Variants in COL6A6 observed in about 807,000 individuals in gnomAD.
COL6A6 encodes collagen alpha-6(VI) chain.
In COL6A6, 183 loss-of-function variants were observed where a neutral mutation model predicts 208.6. The observed-to-expected ratio is 0.88, with a 90% CI of 0.78 to 0.99. The LOEUF (loss-of-function observed/expected upper bound fraction) is 0.99. Ranked by LOEUF, COL6A6 falls within the 50% of genes least tolerant of loss-of-function variation. The probability of loss-of-function intolerance (pLI) is 0.00; values close to 1 mark genes in which losing one functional copy is unlikely to be tolerated. For missense variants in COL6A6, 2,816 were observed against 2,815.2 expected (o/e 1.00, Z -0.01); for synonymous variants, 973 against 1,011.8 (o/e 0.96, Z 0.73).
chr3:130,592,755 A>G lies in COL6A6; in HGVS notation c.4371+33A>G, dbSNP rs200555979. On this transcript the variant is annotated intron_variant, in intron 15 of 36. Transcript: ENST00000358511. ...ACCAGGCACATCCATTTACCTACCC[A>G]TATGTTATCTAGAAATATTTTTATT... is the stretch of plus-strand genomic sequence containing the variant. The G allele has an allele frequency of 2.3e-5, 35 of 1,542,842 alleles. No individual in the cohort carries two copies. The African/African-American group carries it at 3.3e-4, about 15-fold the overall frequency.
chr3:130,634,730 C>A, intron 27 of COL6A6, 105 bp downstream of exon 27: 1 of 802,854 alleles, frequency 1.2e-6, no homozygotes, highest in Non-Finnish European at 2.0e-6. Flanking sequence ...AATAAATGTC[C>A]TACCTTTGTG....
intron 23 of COL6A6, among the ~76,000 whole-genome samples, chr3:130,620,350 G>A (rs1053217441): frequency 6.6e-6 from 1 of 152,176 alleles, no homozygotes; most frequent in Non-Finnish European, 1.5e-5. Flanking sequence ...AATAAGGGGA[G>A]CCTTCAAAGG....
intron 24 of COL6A6, among the ~76,000 whole-genome samples, chr3:130,622,462 C>T (rs2064755110): frequency 6.6e-6 from 1 of 152,026 alleles, no homozygotes; most frequent in South Asian, 2.1e-4. Context: ...AGAATATTTT[C>T]ATAACAATCT....
At chr3:130,593,318 G>T in intron 17 of COL6A6, 66 bp downstream of exon 17, 4 of 1,239,382 alleles carry the variant, frequency 3.2e-6, no homozygotes, top group Non-Finnish European at 4.7e-6. Flanking sequence ...TAACAGAGTA[G>T]AATACTCAGT....
At chr3:130,603,123 C>G (rs550239188) in intron 20 of COL6A6, among the ~76,000 whole-genome samples, 1 of 152,314 alleles carries the variant, frequency 6.6e-6, no homozygotes, top group East Asian at 1.9e-4. Flanking sequence ...ACCAGCAACA[C>G]TACTAAATAC....
chr3:130,574,665 T>A, intron 8 of COL6A6, 140 bp downstream of exon 8: 1 of 697,804 alleles, frequency 1.4e-6, no homozygotes, highest in South Asian at 1.9e-5. Flanking sequence ...TTTTCACAGT[T>A]ATTAAATATT....
At chr3:130,598,007 A>C (rs1432562484) in intron 18 of COL6A6, among the ~76,000 whole-genome samples, 1 of 152,190 alleles carries the variant, frequency 6.6e-6, no homozygotes, top group East Asian at 1.9e-4. Context: ...AGCCTCCAAG[A>C]AAAAAGAGGA....
intron 1 of COL6A6, among the ~76,000 whole-genome samples, chr3:130,544,934 G>T (rs2062456555): frequency 6.6e-6 from 1 of 152,030 alleles, no homozygotes; most frequent in East Asian, 1.9e-4. Context: ...TAGATATATG[G>T]TTTTCAAATA....
chr3:130,623,425 C>G (rs1038425211), intron 24 of COL6A6, among the ~76,000 whole-genome samples: 3 of 152,214 alleles, frequency 2.0e-5, no homozygotes, highest in African/African-American at 7.2e-5. Context: ...TGCCACTGCA[C>G]TCCAGCCTGG....
At chr3:130,601,168 T>C (rs1015778678) in intron 20 of COL6A6, among the ~76,000 whole-genome samples, 6 of 152,162 alleles carry the variant, frequency 3.9e-5, no homozygotes, top group Non-Finnish European at 8.8e-5. Context: ...CTTTCCATTC[T>C]TTATGTAGTT....
chr3:130,587,928 T>A (rs1160954717), intron 11 of COL6A6, among the ~76,000 whole-genome samples: 1 of 152,194 alleles, frequency 6.6e-6, no homozygotes. Context: ...GGAAGGAAAT[T>A]CTTCTTCAAA....
chr3:130,608,789 T>TGAAA, intron 21 of COL6A6, 113 bp from the exon 22 acceptor site: 3 of 241,206 alleles, frequency 1.2e-5, no homozygotes, highest in East Asian at 7.5e-5. Context: ...TTTTTTTTTT[T>TGAAA]TGCAAAGATC....
At chr3:130,548,568 T>G (rs1212634221) in intron 1 of COL6A6, among the ~76,000 whole-genome samples, 2 of 152,232 alleles carry the variant, frequency 1.3e-5, no homozygotes, top group African/African-American at 4.8e-5. Context: ...CAGTACTTGT[T>G]AAGAAGAGCA....
rs921599128 is a variant in COL6A6, at chr3:130,667,394, G to A, written c.6596+2298G>A. On this transcript the variant is annotated intron_variant, in intron 36 of 36. Transcript: ENST00000358511. ...TGGGATTACAGGTGTGCACCACCACGCCTGGCTAATTTTTTGTATTTTTTA... is the reference window on the plus strand; with the variant it reads ...TGGGATTACAGGTGTGCACCACCACACCTGGCTAATTTTTTGTATTTTTTA... Among the ~76,000 whole-genome samples, 5 of 152,118 alleles carry A rather than the reference G, an allele frequency of 3.3e-5. No individual in the cohort carries two copies. In the South Asian group the frequency reaches 6.2e-4, roughly 19 times the overall value.
chr3:130,545,329 C>T (rs1429224184), intron 1 of COL6A6, among the ~76,000 whole-genome samples: 1 of 152,146 alleles, frequency 6.6e-6, no homozygotes, highest in Non-Finnish European at 1.5e-5. Flanking sequence ...AGGGTAATTT[C>T]CCAGAATTAT....
chr3:130,529,263 T>A, intron 1 of COL6A6, among the ~76,000 whole-genome samples: 1 of 127,500 alleles, frequency 7.8e-6, no homozygotes, highest in African/African-American at 3.0e-5. Context: ...CAGCAGGAAA[T>A]GTACAAAAAC....
intron 1 of COL6A6, among the ~76,000 whole-genome samples, chr3:130,554,523 A>G (rs974920969): frequency 6.6e-6 from 1 of 152,134 alleles, no homozygotes; most frequent in African/African-American, 2.4e-5. Context: ...TTGGGTGGCA[A>G]TGCAGAGCCA....
rs114818609 is a variant in COL6A6, at chr3:130,566,842, G to T, written c.1423G>T (p.Val475Phe). 1 of 1,614,008 alleles carries T rather than the reference G, an allele frequency of 6.2e-7. No homozygotes were observed. The highest frequency in any genetic ancestry group is 1.1e-5 in the South Asian group (1 of 91,078). Reference sequence around the variant, plus strand: ...CAACATTGCTCCCCATAAGGTGCGGGTTGGGGCCGTTCAGTATGCTGACAG... The same window carrying T: ...CAACATTGCTCCCCATAAGGTGCGGTTTGGGGCCGTTCAGTATGCTGACAG... Reference protein sequence around the residue: ...MFNIAPHKVRVGAVQYADSWD... With the variant: ...MFNIAPHKVRFGAVQYADSWD... The change falls in exon 5 of 37, where the codon GTT becomes TTT. Residue 475 changes from valine to phenylalanine, a missense_variant. Physicochemically the swap from Val to Phe is conservative, Grantham distance 50 (BLOSUM62 -1). Coordinates refer to ENST00000358511, the MANE Select transcript of COL6A6 (RefSeq NM_001102608.3).
At chr3:130,536,094 G>A (rs1257022268) in intron 1 of COL6A6, among the ~76,000 whole-genome samples, 3 of 152,134 alleles carry the variant, frequency 2.0e-5, no homozygotes, top group Non-Finnish European at 4.4e-5. Context: ...TTTTATAGAA[G>A]GGGATGCTCT....
Sources: allele counts gnomAD v4.1 joint callset (sites outside exome capture counted in the v4.1 genomes callset), GRCh38; gene constraint gnomAD v4.1.1; transcripts MANE v1.5; gene names NCBI Gene and HGNC (gene_info 2026-07-23, HGNC 2026-07-21).